IMMP2L: variants seen among roughly 807,000 people sequenced by gnomAD.
The protein encoded by IMMP2L is mitochondrial inner membrane protease subunit 2.
In IMMP2L, 18 loss-of-function variants were observed where a neutral mutation model predicts 19.3. The observed-to-expected ratio is 0.93, with a 90% confidence interval of 0.64 to 1.38. The LOEUF is 1.38. IMMP2L is among the 40% of genes most tolerant of loss of function. The pLI is 0.00. For missense variants in IMMP2L, 233 were observed against 218.2 expected (o/e 1.07, Z -0.43); for synonymous variants, 76 against 73.0 (o/e 1.04, Z -0.21).
chr7:111,187,950 A>G (rs1032794042), intron 3 of IMMP2L, among the ~76,000 whole-genome samples: 2 of 152,154 alleles, frequency 1.3e-5, no homozygotes, highest in Non-Finnish European at 2.9e-5. Flanking sequence ...TCCAAAAGGG[A>G]AAATGGATTT....
intron 3 of IMMP2L, among the ~76,000 whole-genome samples, chr7:111,368,142 T>C (rs1235974285): frequency 6.6e-6 from 1 of 151,818 alleles, no homozygotes; most frequent in Non-Finnish European, 1.5e-5. Flanking sequence ...ATATTGGATA[T>C]AGGAAAAAAG....
At chr7:110,859,692 G>A (rs1225515122) in intron 5 of IMMP2L, among the ~76,000 whole-genome samples, 4 of 151,184 alleles carry the variant, frequency 2.6e-5, no homozygotes, top group Non-Finnish European at 5.9e-5. Context: ...GTAGTGAGCT[G>A]AGATTGTGCC....
chr7:110,831,688 G>A (rs1434307668), intron 5 of IMMP2L, among the ~76,000 whole-genome samples: 1 of 152,148 alleles, frequency 6.6e-6, no homozygotes, highest in Non-Finnish European at 1.5e-5. Flanking sequence ...GCAATAGCAA[G>A]TATAAAAATA....
chr7:111,067,969 A>C (rs190936573), intron 3 of IMMP2L, among the ~76,000 whole-genome samples: 93 of 152,372 alleles, frequency 6.1e-4, no homozygotes, highest in Admixed American at 4.4e-3. Context: ...CCTTCAAAGA[A>C]GACTTAACGC....
chr7:110,718,098 T>C (rs1171417156), intron 5 of IMMP2L, among the ~76,000 whole-genome samples: 2 of 152,152 alleles, frequency 1.3e-5, no homozygotes, highest in African/African-American at 4.8e-5. Context: ...CTTCTCTATC[T>C]ATAGAATGTT....
At chr7:111,149,318 T>C (rs933909171) in intron 3 of IMMP2L, among the ~76,000 whole-genome samples, 1 of 152,128 alleles carries the variant, frequency 6.6e-6, no homozygotes, top group Admixed American at 6.6e-5. Context: ...TGAAGATGCA[T>C]GTAAAACACT....
chr7:110,942,812 T>C (rs1816863652), intron 4 of IMMP2L, among the ~76,000 whole-genome samples: 1 of 151,942 alleles, frequency 6.6e-6, no homozygotes, highest in East Asian at 1.9e-4. Context: ...ACACTATACT[T>C]AATGATTTTT....
intron 4 of IMMP2L, among the ~76,000 whole-genome samples, chr7:110,960,807 A>T (rs1389857188): frequency 6.6e-6 from 1 of 151,944 alleles, no homozygotes; most frequent in Non-Finnish European, 1.5e-5. Context: ...CACTCCATTA[A>T]AATAATCAAA....
intron 5 of IMMP2L, among the ~76,000 whole-genome samples, chr7:110,859,176 A>G (rs799642): frequency 0.48 from 73,361 of 151,846 alleles, 17,998 homozygotes; most frequent in East Asian, 0.7. Flanking sequence ...TGTGATAAAA[A>G]TGAGAGTGCT....
At chr7:110,786,195 G>A (rs192125699) in intron 5 of IMMP2L, among the ~76,000 whole-genome samples, 26 of 151,984 alleles carry the variant, frequency 1.7e-4, no homozygotes, top group African/African-American at 5.3e-4. Flanking sequence ...AATGTTCCCA[G>A]AATTATTTTT....
At chr7:110,922,442 T>C (rs1814393878) in intron 4 of IMMP2L, among the ~76,000 whole-genome samples, 1 of 152,266 alleles carries the variant, frequency 6.6e-6, no homozygotes, top group African/African-American at 2.4e-5. Context: ...GAAACATACA[T>C]GTAAAATACA....
chr7:110,821,094 A>T (rs1310067658), intron 5 of IMMP2L, among the ~76,000 whole-genome samples: 1 of 152,132 alleles, frequency 6.6e-6, no homozygotes, highest in Non-Finnish European at 1.5e-5. Flanking sequence ...GAGGTAACTC[A>T]TTTAACTCTT....
At chr7:110,932,598 C>T (rs886731160) in intron 4 of IMMP2L, among the ~76,000 whole-genome samples, 40 of 152,276 alleles carry the variant, frequency 2.6e-4, no homozygotes, top group Admixed American at 1.4e-3. Flanking sequence ...TCGTGATCTA[C>T]CCACCTCGGC....
At chr7:110,664,890 T>C (rs1419021707) in intron 5 of IMMP2L, 2 of 152,192 alleles carry the variant, frequency 1.3e-5, no homozygotes, top group African/African-American at 4.8e-5. Flanking sequence ...AACATTCCTT[T>C]CACTGAAGCT....
chr7:111,403,524 G>A (rs1408333706), intron 3 of IMMP2L, among the ~76,000 whole-genome samples: 1 of 151,892 alleles, frequency 6.6e-6, no homozygotes, highest in Non-Finnish European at 1.5e-5. Flanking sequence ...TGCAATGTTG[G>A]TGCAATGTAC....
intron 3 of IMMP2L, among the ~76,000 whole-genome samples, chr7:111,464,157 T>C (rs983285095): frequency 6.6e-6 from 1 of 152,042 alleles, no homozygotes; most frequent in African/African-American, 2.4e-5. Flanking sequence ...TGTACACTAA[T>C]AAAATGGGCA....
Position 110,727,667 on chromosome 7 carries a change from A to C in IMMP2L, c.409-63946T>G, listed in dbSNP as rs973403988. Among the ~76,000 whole-genome samples the C allele has an allele frequency of 1.3e-5, 2 of 152,196 alleles. No individual in the cohort carries two copies. The highest frequency in any genetic ancestry group is 2.9e-5 in the Non-Finnish European group (2 of 68,034). On this transcript the variant is annotated intron_variant, in intron 5 of 5. Coordinates refer to ENST00000405709, the MANE Select transcript of IMMP2L (RefSeq NM_032549.4). This position sits in a 1 kb window ranked among gnomAD's most constrained non-coding sequence, Gnocchi z 4.3. ...AGGAGAGAAGCTTTAACTTTAAAAA[A>C]TATTAGAATATTAAATATAACATGA...
chr7:111,524,230 A>G (rs1846618533), intron 1 of IMMP2L, among the ~76,000 whole-genome samples: 1 of 152,052 alleles, frequency 6.6e-6, no homozygotes, highest in Non-Finnish European at 1.5e-5. Context: ...CTCCACATCT[A>G]TTCTTTTTAT....
intron 5 of IMMP2L, among the ~76,000 whole-genome samples, chr7:110,743,619 G>C (rs1797132491): frequency 6.6e-6 from 1 of 152,182 alleles, no homozygotes; most frequent in African/African-American, 2.4e-5. Context: ...GTTGGTCAGT[G>C]GGTGCAGCCC....
Sources: gnomAD v4.1 joint callset for allele counts (sites outside exome capture counted in the v4.1 genomes callset) on GRCh38, gnomAD v4.1.1 for gene constraint, Gnocchi (gnomAD v3.1) non-coding constraint, MANE v1.5 for transcripts, NCBI Gene and HGNC (gene_info 2026-07-23, HGNC 2026-07-21) for gene names.